TRIM3: variants seen among roughly 807,000 people sequenced by gnomAD.
The protein encoded by TRIM3 is tripartite motif-containing protein 3.
TRIM3 carries 13 observed loss-of-function variants against 66.6 expected under a neutral mutation model. The observed-to-expected ratio is 0.20, with a 90% CI of 0.13 to 0.31. The LOEUF (loss-of-function observed/expected upper bound fraction) is 0.31, where lower values mean the gene tolerates loss of function less well. TRIM3 is among the 10% of genes least tolerant of loss of function. The pLI is 1.00. For synonymous variants in TRIM3, 406 were observed against 411.7 expected, an observed-to-expected ratio of 0.99 and a Z score of 0.17; for missense variants, 711 against 1,020.4, an observed-to-expected ratio of 0.70 and a Z score of 4.13.
chr11:6,462,270 A>G (rs965576442), intron 2 of TRIM3, among the ~76,000 whole-genome samples: 7 of 152,224 alleles, frequency 4.6e-5, no homozygotes, highest in Non-Finnish European at 8.8e-5. Context: ...GTCACTGCCC[A>G]CTAGAACATC....
At chr11:6,474,361 T>C (rs1185718636), upstream of TRIM3, 3 of 152,226 alleles carry the variant, frequency 2.0e-5, no homozygotes, top group Non-Finnish European at 2.9e-5. Flanking sequence ...CTATGGAATA[T>C]GCTAGTCTAT....
chr11:6,456,953 G>A lies in TRIM3; in HGVS notation c.773C>T (p.Ala258Val). ...CTCCGGGGCCGAGCCCAGGCGCAGT[G>A]CCTGCTCTGCAAAGCTGCAGCTACT... Reference protein sequence around the residue: ...IGSSCSFAEQALRLGSAPEVL... With the variant: ...IGSSCSFAEQVLRLGSAPEVL... Residue 258 changes from alanine (A) to valine (V), a missense_variant, in exon 6 of 12, where the codon GCA (alanine) becomes GTA (valine). Around this residue, in one of 3 missense-constraint regions of TRIM3, gnomAD observed 399 missense variants for 458.1 expected, o/e 0.87. Transcript: ENST00000345851. The surrounding 1 kb of genome is among the most constrained non-coding windows in gnomAD (Gnocchi z 6.4). The A allele has an allele frequency of 1.2e-6, 2 of 1,609,536 alleles. No homozygotes were observed. Among genetic ancestry groups the A allele is most frequent in the South Asian group, 1.1e-5 (1 of 91,066 alleles).
At position 6,462,127 on chromosome 11, in the gene TRIM3, C is replaced by G. The variant is rs577379584; in HGVS notation, c.131+3438G>C. On this transcript the variant is annotated intron_variant, in intron 2 of 11. Transcript: ENST00000345851. The stretch of plus-strand genomic sequence containing the variant: ...TCCTCAGAACTCAGGTCAAATGTCA[C>G]CTCCTCAGGGAAGCCTTCCTTGATG... 2.6e-5 allele frequency among the ~76,000 whole-genome samples: 4 copies of G among 152,326 alleles called. No homozygotes were observed. In the South Asian group the frequency reaches 6.2e-4, roughly 24 times the overall value.
chr11:6,471,586 GAC>G (rs775263265), intron 1 of TRIM3, among the ~76,000 whole-genome samples: 8 of 152,186 alleles, frequency 5.3e-5, no homozygotes, highest in Non-Finnish European at 1.2e-4. Flanking sequence ...GTGAAATAGA[GAC>G]ACAAAGCTGA....
chr11:6,457,594 A>C lies in TRIM3; in HGVS notation c.515+102T>G. On this transcript the variant is annotated intron_variant, in intron 4 of 11. Transcript: ENST00000345851. This position sits in a 1 kb window ranked among gnomAD's most constrained non-coding sequence, Gnocchi z 4.5. ...ATCTCCTTCCTGAGACCTCCCTGAG[A>C]CTTCCATCTCTGCCCTTCCCAGACC... The C allele has an allele frequency of 2.6e-6, 4 of 1,550,640 alleles. No homozygotes were observed. The highest frequency in any genetic ancestry group is 3.5e-6 in the Non-Finnish European group (4 of 1,144,952).
Position 6,456,463 on chromosome 11 carries a change from C to T in TRIM3, c.1263G>A (p.Pro421=), listed in dbSNP as rs147004081. 13 of 1,540,602 alleles carry T rather than the reference C, an allele frequency of 8.4e-6. No individual in the cohort carries two copies. Among genetic ancestry groups the T allele is most frequent in the African/African-American group, 8.2e-5 (6 of 72,750 alleles). Residue 421 remains proline (P), a synonymous_variant, in exon 6 of 12, where the codon CCG becomes CCA. Coordinates refer to ENST00000345851, the MANE Select transcript of TRIM3 (RefSeq NM_033278.4). The surrounding 1 kb of genome is among the most constrained non-coding windows in gnomAD (Gnocchi z 6.4). The part of the protein sequence containing the change: ...GSPFRVRALR[P]GDLPPSPDDV... ...CGTCCGGGGAAGGTGGCAGGTCCCCCGGACGCAGGGCACGCACGCGGAAGG... is the reference window on the plus strand; with the variant it reads ...CGTCCGGGGAAGGTGGCAGGTCCCCTGGACGCAGGGCACGCACGCGGAAGG...
chr11:6,451,122 C>A (rs1259514562), intron 8 of TRIM3, 62 bp from the exon 9 acceptor site: 20 of 1,603,830 alleles, frequency 1.2e-5, no homozygotes, highest in Non-Finnish European at 1.6e-5. Context: ...AGTCCTAACC[C>A]AGTACCAAAG....
intron 2 of TRIM3, among the ~76,000 whole-genome samples, chr11:6,460,299 G>C (rs1377801260): frequency 6.6e-6 from 1 of 152,200 alleles, no homozygotes; most frequent in African/African-American, 2.4e-5. Context: ...AAGCTTGACT[G>C]CTGGAAGTTG....
Position 6,460,797 on chromosome 11 carries a change from A to C in TRIM3, c.132-2501T>G, listed in dbSNP as rs77730316. ...AATGTTTCCTATAACTTAGGATCTT[A>C]ATTAAAATCTGACAAACACTATGTG... On this transcript the variant is annotated intron_variant, in intron 2 of 11. Transcript: ENST00000345851. Among the ~76,000 whole-genome samples, 420 of 152,276 alleles carry C rather than the reference A, an allele frequency of 2.8e-3. 2 individuals are homozygous for C. The highest frequency in any genetic ancestry group is 9.0e-3 in the African/African-American group (375 of 41,550).
In TRIM3 at chr11:6,450,720, G is replaced by C; in HGVS notation, c.1871-99C>G. 7.1e-7 allele frequency: 1 copy of C among 1,414,538 alleles called. No individual in the cohort carries two copies. Among genetic ancestry groups the C allele is most frequent in the Admixed American group, 1.7e-5 (1 of 58,656 alleles). 87.6% of individuals were successfully genotyped at this position (1,414,538 alleles called of 1,614,324 possible). ...TAAAAGCTAGGGTGTTAGGAGAGGG[G>C]TGGGGTCTCCAGGACTGAGACAAAT... On this transcript the variant is annotated intron_variant, in intron 9 of 11. Coordinates refer to ENST00000345851, the MANE Select transcript of TRIM3 (RefSeq NM_033278.4). The surrounding 1 kb of genome is among the most constrained non-coding windows in gnomAD (Gnocchi z 4.8).
chr11:6,453,621 C>T (rs1385372736), intron 7 of TRIM3, among the ~76,000 whole-genome samples: 1 of 152,230 alleles, frequency 6.6e-6, no homozygotes, highest in Non-Finnish European at 1.5e-5. Flanking sequence ...ATTTAACATT[C>T]TGCCTAAGGG....
chr11:6,466,122 T>G (rs1391092280), intron 1 of TRIM3, among the ~76,000 whole-genome samples: 1 of 152,080 alleles, frequency 6.6e-6, no homozygotes, highest in African/African-American at 2.4e-5. Context: ...CTCCTCTACC[T>G]CCCCCAAATC....
rs968285777 is a variant in TRIM3 at position 6,451,058 on chromosome 11, G to T, written c.1704C>A (p.Thr568=). The T allele has an allele frequency of 1.2e-6, 2 of 1,614,076 alleles. No individual in the cohort carries two copies. The highest frequency in any genetic ancestry group is 1.7e-6 in the Non-Finnish European group (2 of 1,179,942). The change falls in exon 9 of 12, where the codon ACC becomes ACA. Residue 568 remains threonine (T), a splice_region_variant and synonymous_variant. Coordinates refer to ENST00000345851, the MANE Select transcript of TRIM3 (RefSeq NM_033278.4). ...SIFSPEGKFK[T]KIGAGRLMGP... is the part of the protein sequence containing the mutation. ...CCATGAGGCGGCCAGCTCCAATCTT[G>T]GTCTGGAGGAAGAGAATATCCATAA... is the stretch of plus-strand genomic sequence containing the variant.
In TRIM3 at chr11:6,449,222, C is replaced by A; in HGVS notation, c.2083-42G>T. On this transcript the variant is annotated intron_variant, in intron 11 of 11. Coordinates refer to ENST00000345851, the MANE Select transcript of TRIM3 (RefSeq NM_033278.4). The surrounding 1 kb of genome is among the most constrained non-coding windows in gnomAD (Gnocchi z 5.3). ...GAAAGGAGGGAGAGGCAAGATCAGG[C>A]AGATGAGAGTCTGTTTTGGGGGAAC... 4 of 1,610,902 alleles carry A rather than the reference C, an allele frequency of 2.5e-6. No individual in the cohort carries two copies. Among genetic ancestry groups the A allele is most frequent in the Non-Finnish European group, 3.4e-6 (4 of 1,177,248 alleles).
Position 6,456,780 on chromosome 11 carries a change from G to C in TRIM3, c.946C>G (p.Leu316Val), listed in dbSNP as rs190136933. 7.3e-5 allele frequency: 117 copies of C among 1,612,292 alleles called. No homozygotes were observed. In the East Asian group the frequency reaches 2.6e-3, roughly 36 times the overall value. ...RRSVLNLGAL[L>V]TTSATAHETV... is the part of the protein sequence containing the mutation. Reference sequence around the variant, plus strand: ...TCGTGTGCAGTGGCGCTCGTGGTGAGCAGTGCGCCCAGATTGAGCACCGAT... The same window carrying C: ...TCGTGTGCAGTGGCGCTCGTGGTGACCAGTGCGCCCAGATTGAGCACCGAT... The change falls in exon 6 of 12, where the codon CTC (leucine) becomes GTC (valine). Residue 316 changes from leucine to valine, a missense_variant. By Grantham distance (32) the Leu-to-Val change is conservative. This residue lies in a region of TRIM3 where 399 missense variants were observed against 458.1 expected (regional missense o/e 0.87). Coordinates refer to ENST00000345851, the MANE Select transcript of TRIM3 (RefSeq NM_033278.4). This position sits in a 1 kb window ranked among gnomAD's most constrained non-coding sequence, Gnocchi z 6.4.
intron 2 of TRIM3, among the ~76,000 whole-genome samples, chr11:6,459,906 C>T (rs60959926): frequency 1.5e-4 from 23 of 152,262 alleles, no homozygotes; most frequent in African/African-American, 4.1e-4. Flanking sequence ...ACAATAAACA[C>T]CCAGGTTGAG....
chr11:6,461,456 G>T (rs1850234858), intron 2 of TRIM3, among the ~76,000 whole-genome samples: 1 of 151,494 alleles, frequency 6.6e-6, no homozygotes. Flanking sequence ...CTTTCTCTTG[G>T]CTCACTCTCT....
intron 1 of TRIM3, among the ~76,000 whole-genome samples, chr11:6,471,374 C>A (rs1343069678): frequency 2.0e-5 from 3 of 152,232 alleles, no homozygotes. Context: ...CTGCAGGTTA[C>A]AGTCTTTGGG....
At chr11:6,468,145 G>A (rs1228998058) in intron 1 of TRIM3, among the ~76,000 whole-genome samples, 1 of 152,152 alleles carries the variant, frequency 6.6e-6, no homozygotes, top group Non-Finnish European at 1.5e-5. Flanking sequence ...TAATAAAAGA[G>A]AAATCCAAAG....
Sources: gnomAD v4.1 joint callset for allele counts (sites outside exome capture counted in the v4.1 genomes callset) on GRCh38, gnomAD v4.1.1 for gene constraint, gnomAD v4.1.1 regional missense constraint, Gnocchi (gnomAD v3.1) non-coding constraint, MANE v1.5 for transcripts, NCBI Gene and HGNC (gene_info 2026-07-23, HGNC 2026-07-21) for gene names.